TFPI: variants seen among roughly 807,000 people sequenced by gnomAD.
TFPI encodes tissue factor pathway inhibitor.
Under a neutral mutation model 34.6 loss-of-function variants are expected in TFPI, and 15 were observed. The ratio of observed to expected loss-of-function variants is 0.43; its 90% confidence interval spans 0.29 to 0.67. TFPI has a LOEUF of 0.67. TFPI is among the 30% of genes least tolerant of loss of function. The pLI is 0.15. For missense variants in TFPI, 301 were observed against 364.0 expected (o/e 0.83, Z 1.41); for synonymous variants, 105 against 120.1 (o/e 0.87, Z 0.82).
intron 1 of TFPI, among the ~76,000 whole-genome samples, chr2:187,521,951 A>T (rs1034897509): frequency 6.6e-6 from 1 of 152,108 alleles, no homozygotes; most frequent in African/African-American, 2.4e-5. Context: ...GCATAAACTG[A>T]TATCTCATTA....
chr2:187,488,371 A>G lies in TFPI; in HGVS notation c.324T>C (p.Asn108=), dbSNP rs1227505576. ...EECKKMCTRD[N]ANRIIKTTLQ... is the part of the protein sequence containing the mutation. ...ATGTTGTCTTTATAATCCTGTTTGCATTATCTGTAATCAAAAGAATATATG... is the reference window on the plus strand; with the variant it reads ...ATGTTGTCTTTATAATCCTGTTTGCGTTATCTGTAATCAAAAGAATATATG... Residue 108 remains asparagine, a synonymous_variant, in exon 4 of 8, where the codon AAT becomes AAC. Coordinates refer to ENST00000233156, the MANE Select transcript of TFPI (RefSeq NM_006287.6). 3.2e-6 allele frequency: 5 copies of G among 1,551,138 alleles called. No individual in the cohort carries two copies. In the South Asian group the frequency reaches 3.8e-5, roughly 12 times the overall value.
chr2:187,493,365 A>C (rs2106064285), intron 3 of TFPI, among the ~76,000 whole-genome samples: 1 of 152,156 alleles, frequency 6.6e-6, no homozygotes, highest in East Asian at 1.9e-4. Flanking sequence ...CAGCATGAGG[A>C]CCCTGGGCCG....
intron 1 of TFPI, among the ~76,000 whole-genome samples, chr2:187,530,909 A>G (rs1018791318): frequency 6.6e-6 from 1 of 152,224 alleles, no homozygotes; most frequent in South Asian, 2.1e-4. Context: ...ATTATTTTAA[A>G]TGGTATGAAT....
chr2:187,518,887 T>C (rs1687183519), intron 1 of TFPI: 1 of 152,202 alleles, frequency 6.6e-6, no homozygotes, highest in Admixed American at 6.5e-5. Context: ...TTCATTTCAT[T>C]AAGTCAATCT....
At chr2:187,521,717 T>C (rs1333293905) in intron 1 of TFPI, among the ~76,000 whole-genome samples, 1 of 151,884 alleles carries the variant, frequency 6.6e-6, no homozygotes, top group Non-Finnish European at 1.5e-5. Flanking sequence ...TACAGGCGCC[T>C]GCCACCATGC....
chr2:187,528,654 T>C (rs955032714), intron 1 of TFPI, among the ~76,000 whole-genome samples: 2 of 152,192 alleles, frequency 1.3e-5, no homozygotes, highest in Non-Finnish European at 2.9e-5. Flanking sequence ...GTTTCCATTG[T>C]TGAATCTTTA....
intron 1 of TFPI, among the ~76,000 whole-genome samples, chr2:187,533,498 A>T (rs1312293263): frequency 6.6e-6 from 1 of 152,242 alleles, no homozygotes; most frequent in Non-Finnish European, 1.5e-5. Flanking sequence ...GAAAACTAAC[A>T]AACAGAAAGG....
At chr2:187,520,811 T>C (rs1265042606) in intron 1 of TFPI, among the ~76,000 whole-genome samples, 1 of 152,178 alleles carries the variant, frequency 6.6e-6, no homozygotes, top group Non-Finnish European at 1.5e-5. Context: ...CTATACTTTA[T>C]GTTATAATTC....
chr2:187,546,826 C>G (rs1391937520), intron 1 of TFPI: 1 of 101,388 alleles, frequency 9.9e-6, no homozygotes, highest in East Asian at 4.1e-4. Flanking sequence ...ACCTACCTGT[C>G]TATGTAACTC....
chr2:187,481,744 GC>G (rs1692879613), intron 6 of TFPI, among the ~76,000 whole-genome samples: 4 of 151,890 alleles, frequency 2.6e-5, no homozygotes, highest in African/African-American at 9.6e-5. Context: ...TGATTTTGAG[GC>G]CAATATATAC....
chr2:187,544,641 GAAAAAA>G (rs10699745), intron 1 of TFPI: 1 of 140,908 alleles, frequency 7.1e-6, no homozygotes, highest in Non-Finnish European at 1.5e-5. Context: ...ACTTCATCTG[GAAAAAA>G]AAAAAAAAAG....
intron 1 of TFPI, among the ~76,000 whole-genome samples, chr2:187,523,895 C>T (rs542296238): frequency 1.3e-5 from 2 of 152,156 alleles, no homozygotes; most frequent in African/African-American, 2.4e-5. Flanking sequence ...CTTTAGGCTT[C>T]ACCCTCTTCC....
intron 1 of TFPI, among the ~76,000 whole-genome samples, chr2:187,524,587 T>C (rs1687585184): frequency 6.6e-6 from 1 of 151,958 alleles, no homozygotes; most frequent in Admixed American, 6.6e-5. Context: ...ACTTTGTGAG[T>C]TAAAATTAGG....
intron 2 of TFPI, among the ~76,000 whole-genome samples, 185 bp downstream of exon 2, chr2:187,503,461 GTA>G (rs1491361120): frequency 2.9e-5 from 2 of 68,034 alleles, no homozygotes; most frequent in African/African-American, 5.4e-5. Context: ...ACATGTGCAT[GTA>G]CACACACACA....
chr2:187,535,000 C>G (rs539588304), intron 1 of TFPI, among the ~76,000 whole-genome samples: 1 of 152,126 alleles, frequency 6.6e-6, no homozygotes, highest in South Asian at 2.1e-4. Flanking sequence ...ATGGGCATTA[C>G]ATAATGGTAA....
Position 187,465,810 on chromosome 2 carries a change from T to G in TFPI, c.*1126A>C, listed in dbSNP as rs1042798424. Reference sequence around the variant, plus strand: ...ATCAGTTCCAATTCCAGTGTCAGATTTGAGGTGAACACTACAGAAACTGAC... The same window carrying G: ...ATCAGTTCCAATTCCAGTGTCAGATGTGAGGTGAACACTACAGAAACTGAC... On this transcript the variant is annotated 3_prime_UTR_variant, in exon 8 of 8. Coordinates refer to ENST00000233156, the MANE Select transcript of TFPI (RefSeq NM_006287.6). 2.0e-5 allele frequency: 3 copies of G among 152,108 alleles called. No individual in the cohort carries two copies. The highest frequency in any genetic ancestry group is 4.4e-5 in the Non-Finnish European group (3 of 68,010). 9.4% of individuals were successfully genotyped at this position (152,108 alleles called of 1,614,324 possible). A position where few individuals can be genotyped will look rare whatever the true frequency, so the allele number is the denominator to read the frequency against.
chr2:187,484,142 T>C lies in TFPI; in HGVS notation c.610A>G (p.Lys204Glu), dbSNP rs753551570. The C allele has an allele frequency of 1.9e-6, 3 of 1,612,372 alleles. No homozygotes were observed. The highest frequency in any genetic ancestry group is 2.5e-6 in the Non-Finnish European group (3 of 1,178,776). ...VNNSLTPQST[K>E]VPSLFEFHGP... The stretch of plus-strand genomic sequence containing the variant: ...TTCTTACCAAAAAGGCTGGGAACCT[T>C]GGTTGATTGCGGAGTCAGGGAGTTA... The change falls in exon 6 of 8, where the codon AAG (lysine) becomes GAG (glutamate). Residue 204 changes from lysine (K) to glutamate (E), a missense_variant. Coordinates refer to ENST00000233156, the MANE Select transcript of TFPI (RefSeq NM_006287.6).
intron 1 of TFPI, among the ~76,000 whole-genome samples, chr2:187,525,206 A>C (rs2106230016): frequency 6.6e-6 from 1 of 152,210 alleles, no homozygotes; most frequent in South Asian, 2.1e-4. Flanking sequence ...CATCTTAAGA[A>C]AACTGAGGTT....
intron 3 of TFPI, among the ~76,000 whole-genome samples, chr2:187,490,582 C>T (rs1685051284): frequency 6.6e-6 from 1 of 151,518 alleles, no homozygotes; most frequent in South Asian, 2.1e-4. Context: ...TCTATCCTTT[C>T]ACTTTTAATC....
Sources: gnomAD v4.1 joint callset for allele counts (sites outside exome capture counted in the v4.1 genomes callset) on GRCh38, gnomAD v4.1.1 for gene constraint, MANE v1.5 for transcripts, NCBI Gene and HGNC (gene_info 2026-07-23, HGNC 2026-07-21) for gene names.